YTHDC1: variants seen among roughly 807,000 people sequenced by gnomAD.
The protein encoded by YTHDC1 is YTH domain-containing protein 1.
In YTHDC1, 12 loss-of-function variants were observed where a neutral mutation model predicts 107.0. The observed-to-expected ratio is 0.11, with a 90% CI of 0.07 to 0.18. The LOEUF is 0.18. Ranked by LOEUF, YTHDC1 falls within the 10% of genes least tolerant of loss-of-function variation. The pLI is 1.00. For missense variants in YTHDC1, 635 were observed against 898.8 expected (o/e 0.71, Z 3.75); for synonymous variants, 280 against 289.5 (o/e 0.97, Z 0.33).
chr4:68,347,143 CAG>C (rs1725538884), intron 1 of YTHDC1, among the ~76,000 whole-genome samples: 1 of 152,166 alleles, frequency 6.6e-6, no homozygotes, highest in South Asian at 2.1e-4. Flanking sequence ...TCCGGGCACT[CAG>C]GGAGCTTCTA....
rs766500821 is a variant in YTHDC1, at chr4:68,316,450, TA to T, written c.1825-3del. 6.2e-7 allele frequency: 1 copy of T among 1,610,538 alleles called. No individual in the cohort carries two copies. The highest frequency in any genetic ancestry group is 8.5e-7 in the Non-Finnish European group (1 of 1,178,792). On this transcript the variant is annotated splice_region_variant and splice_polypyrimidine_tract_variant and intron_variant, in intron 15 of 16. Coordinates refer to ENST00000344157, the MANE Select transcript of YTHDC1 (RefSeq NM_001031732.4). Reference sequence around the variant, plus strand: ...TTGTTCCATTCCTGGGTAAGGGGGCTAAAAAAGGAAAACCATTTACATTAAG... The same window carrying T: ...TTGTTCCATTCCTGGGTAAGGGGGCTAAAAAGGAAAACCATTTACATTAAG...
chr4:68,341,825 T>G (rs1724833595), intron 1 of YTHDC1, among the ~76,000 whole-genome samples: 1 of 152,136 alleles, frequency 6.6e-6, no homozygotes, highest in Non-Finnish European at 1.5e-5. Flanking sequence ...AAATTCCCAG[T>G]CTTTCTGAGT....
chr4:68,349,108 T>C (rs1419362571), intron 1 of YTHDC1, among the ~76,000 whole-genome samples: 1 of 152,238 alleles, frequency 6.6e-6, no homozygotes, highest in East Asian at 1.9e-4. Context: ...ACCCAGGATT[T>C]CTTTGCCAGC....
chr4:68,324,299 T>C, intron 9 of YTHDC1, 76 bp from the exon 10 acceptor site: 3 of 1,287,876 alleles, frequency 2.3e-6, no homozygotes, highest in Non-Finnish European at 2.2e-6. Flanking sequence ...AGTAGTGAAT[T>C]CCTGTATTAA....
rs1721330081 is a variant in YTHDC1, at chr4:68,311,866, G to A, written c.*2233C>T. 1 of 152,180 alleles carries A rather than the reference G, an allele frequency of 6.6e-6. No homozygotes were observed. Among genetic ancestry groups the A allele is most frequent in the Non-Finnish European group, 1.5e-5 (1 of 68,058 alleles). The allele number at this position is 152,180 out of a possible 1,614,324, so 9.4% of individuals were successfully genotyped here. ...GAAATGTTAATGTTTAAAAATCTCA[G>A]GCCAGGTGCAGTGGCTCACGCCTGT... On this transcript the variant is annotated 3_prime_UTR_variant, in exon 17 of 17. Transcript: ENST00000344157.
intron 1 of YTHDC1, among the ~76,000 whole-genome samples, chr4:68,343,208 G>GT (rs1578074838): frequency 1.3e-5 from 2 of 151,220 alleles, no homozygotes; most frequent in African/African-American, 2.4e-5. Context: ...TTTTTAATTT[G>GT]TTTTTTTGGA....
At chr4:68,319,651 A>C (rs1454424219) in intron 12 of YTHDC1, among the ~76,000 whole-genome samples, 1 of 152,144 alleles carries the variant, frequency 6.6e-6, no homozygotes, top group Non-Finnish European at 1.5e-5. Context: ...AATTTCAGTA[A>C]GGGATAGATT....
At chr4:68,339,611 CACAG>C (rs1192970451) in intron 1 of YTHDC1, among the ~76,000 whole-genome samples, 1 of 151,864 alleles carries the variant, frequency 6.6e-6, no homozygotes, top group African/African-American at 2.4e-5. Context: ...CACGTACACA[CACAG>C]ACACACAGAA....
Position 68,322,517 on chromosome 4 carries a change from C to A in YTHDC1, c.1601+232G>T. On this transcript the variant is annotated intron_variant, in intron 11 of 16. Coordinates refer to ENST00000344157, the MANE Select transcript of YTHDC1 (RefSeq NM_001031732.4). The surrounding 1 kb of genome is among the most constrained non-coding windows in gnomAD (Gnocchi z 4.8). ...ATTATCTAATCTAAACTGGTTATCACTGGTTATACTTTTTTCTGCATAAGG... is the reference window on the plus strand; with the variant it reads ...ATTATCTAATCTAAACTGGTTATCAATGGTTATACTTTTTTCTGCATAAGG... 1.9e-6 allele frequency: 1 copy of A among 515,546 alleles called. No individual in the cohort carries two copies. Among genetic ancestry groups the A allele is most frequent in the Non-Finnish European group, 3.4e-6 (1 of 292,634 alleles). The allele number at this position is 515,546 out of a possible 1,614,324, so 31.9% of individuals were successfully genotyped here. A position where few individuals can be genotyped will look rare whatever the true frequency, so the allele number is the denominator to read the frequency against.
chr4:68,349,803 G>A lies in YTHDC1; in HGVS notation c.-50C>T. On this transcript the variant is annotated 5_prime_UTR_variant, in exon 1 of 17. Transcript: ENST00000344157. ...GCCACCGCCGCCGCCGCTTAGACGC[G>A]ACTCGCGCGGGCGCCGCAGCCGCGG... is the stretch of plus-strand genomic sequence containing the variant. The A allele has an allele frequency of 6.2e-7, 1 of 1,610,684 alleles. No homozygotes were observed. Among genetic ancestry groups the A allele is most frequent in the Non-Finnish European group, 8.5e-7 (1 of 1,178,496 alleles).
intron 5 of YTHDC1, 122 bp downstream of exon 5, chr4:68,333,186 G>C: frequency 1.4e-6 from 1 of 710,206 alleles, no homozygotes; most frequent in South Asian, 2.0e-5. Flanking sequence ...TTATTACACT[G>C]AACATGCCAA....
chr4:68,326,763 G>A (rs191832838), intron 9 of YTHDC1, among the ~76,000 whole-genome samples: 10 of 151,630 alleles, frequency 6.6e-5, no homozygotes, highest in Admixed American at 6.6e-4. Context: ...GCTAATTTTT[G>A]CATTTTTAGT....
intron 1 of YTHDC1, among the ~76,000 whole-genome samples, chr4:68,343,169 G>A (rs1278842539): frequency 6.6e-6 from 1 of 152,026 alleles, no homozygotes; most frequent in African/African-American, 2.4e-5. Context: ...TGTCTATATA[G>A]AGAACTATAG....
chr4:68,337,066 C>T lies in YTHDC1; in HGVS notation c.844G>A (p.Asp282Asn). ...DSGSESVSFTDGSVRSGSGTD... is the reference protein window; with the variant it reads ...DSGSESVSFTNGSVRSGSGTD... ...CCTGAACCAGATCTGACAGACCCAT[C>T]TGTGAAGGAAACAGATTCAGAACCA... Residue 282 changes from aspartate to asparagine, a missense_variant, in exon 4 of 17, where the codon GAT (aspartate) becomes AAT (asparagine). This residue lies in a region of YTHDC1 where 294 missense variants were observed against 312.3 expected (regional missense o/e 0.94). Coordinates refer to ENST00000344157, the MANE Select transcript of YTHDC1 (RefSeq NM_001031732.4). 1.2e-6 allele frequency: 2 copies of T among 1,613,696 alleles called. No homozygotes were observed. Among genetic ancestry groups the T allele is most frequent in the Non-Finnish European group, 1.7e-6 (2 of 1,179,772 alleles).
Position 68,349,861 on chromosome 4 carries a change from C to A in YTHDC1, c.-108G>T. ...ACGGGCCCGTCCGTCAGTCCGTCTG[C>A]CCGGATACGCGCGTCGCACTTGGCC... On this transcript the variant is annotated 5_prime_UTR_variant, in exon 1 of 17. Coordinates refer to ENST00000344157, the MANE Select transcript of YTHDC1 (RefSeq NM_001031732.4). 6.6e-7 allele frequency: 1 copy of A among 1,506,064 alleles called. No individual in the cohort carries two copies. Among genetic ancestry groups the A allele is most frequent in the Non-Finnish European group, 9.1e-7 (1 of 1,093,144 alleles). The allele number at this position is 1,506,064 out of a possible 1,614,324, so 93.3% of individuals were successfully genotyped here. A position where few individuals can be genotyped will look rare whatever the true frequency, so the allele number is the denominator to read the frequency against.
Position 68,322,443 on chromosome 4 carries a change from G to C in YTHDC1, c.1601+306C>G, listed in dbSNP as rs1228123289. On this transcript the variant is annotated intron_variant, in intron 11 of 16. Transcript: ENST00000344157. This position sits in a 1 kb window ranked among gnomAD's most constrained non-coding sequence, Gnocchi z 4.8. ...CTTCCTCCTTTCTAGCCTGTTCTTA[G>C]CAACAAATGCCTACCTCATTTCAAT... is the stretch of plus-strand genomic sequence containing the variant. 3.5e-6 allele frequency: 1 copy of C among 288,238 alleles called. No individual in the cohort carries two copies. The highest frequency in any genetic ancestry group is 6.4e-6 in the Non-Finnish European group (1 of 157,014). 17.9% of individuals were successfully genotyped at this position (288,238 alleles called of 1,614,324 possible). A position where few individuals can be genotyped will look rare whatever the true frequency, so the allele number is the denominator to read the frequency against.
At chr4:68,346,927 C>A (rs1011082830) in intron 1 of YTHDC1, among the ~76,000 whole-genome samples, 1 of 152,014 alleles carries the variant, frequency 6.6e-6, no homozygotes, top group South Asian at 2.1e-4. Context: ...GATCTTAGAA[C>A]GTATTTACCA....
At chr4:68,314,411 CA>C in intron 16 of YTHDC1, 88 bp from the exon 17 acceptor site, 6 of 1,121,458 alleles carry the variant, frequency 5.4e-6, no homozygotes, top group Non-Finnish European at 7.3e-6. Context: ...TTTATATAAA[CA>C]ATTTTAAAAT....
chr4:68,341,682 T>C (rs1724817163), intron 1 of YTHDC1, among the ~76,000 whole-genome samples: 2 of 152,112 alleles, frequency 1.3e-5, no homozygotes, highest in African/African-American at 4.8e-5. Context: ...CCTGATATAA[T>C]ACAAATGACC....
Sources: allele counts gnomAD v4.1 joint callset (sites outside exome capture counted in the v4.1 genomes callset), GRCh38; gene constraint gnomAD v4.1.1; regional missense constraint gnomAD v4.1.1; non-coding constraint Gnocchi (gnomAD v3.1); transcripts MANE v1.5; gene names NCBI Gene and HGNC (gene_info 2026-07-23, HGNC 2026-07-21).